The following FAM151A variants were observed in gnomAD, a reference collection of about 807,000 sequenced individuals.
The protein encoded by FAM151A is family with sequence similarity 151 member A.
Under a neutral mutation model 40.4 loss-of-function variants are expected in FAM151A, and 41 were observed. That is an observed-to-expected ratio of 1.01 (90% CI 0.79 to 1.32). FAM151A has a LOEUF of 1.32. FAM151A is among the 40% of genes most tolerant of loss of function. The probability of loss-of-function intolerance (pLI) is 0.00; values close to 1 mark genes in which losing one functional copy is unlikely to be tolerated. For missense variants in FAM151A, 740 were observed against 740.4 expected, an observed-to-expected ratio of 1.00 and a Z score of 0.01; for synonymous variants, 337 against 312.5, an observed-to-expected ratio of 1.08 and a Z score of -0.83.
chr1:54,615,194 ACT>A (rs1262541287), intron 3 of FAM151A, among the ~76,000 whole-genome samples: 1 of 152,112 alleles, frequency 6.6e-6, no homozygotes, highest in Non-Finnish European at 1.5e-5. Context: ...AGCAGGGCAG[ACT>A]CAGAGGGTCC....
rs1557668106 is a variant in FAM151A, at chr1:54,609,597, CCA to C, written c.1427_1428del (p.Val476GlyfsTer6). On this transcript the variant is annotated frameshift_variant, in exon 8 of 8. Transcript: ENST00000302250. LOFTEE classifies it low-confidence loss of function (END_TRUNC). ...AVAEVFPHVT[V>X]APGWPEEVLG... Reference sequence around the variant, plus strand: ...AGCACCTCCTCAGGCCAGCCTGGTGCCACAGTCACGTGGGGGAAGACCTCAGC... The same window carrying C: ...AGCACCTCCTCAGGCCAGCCTGGTGCCAGTCACGTGGGGGAAGACCTCAGC... 1.9e-6 allele frequency: 3 copies of C among 1,613,174 alleles called. No homozygotes were observed. Among genetic ancestry groups the C allele is most frequent in the African/African-American group, 1.3e-5 (1 of 74,956 alleles).
At chr1:54,619,530 T>C (rs974802500) in intron 2 of FAM151A, among the ~76,000 whole-genome samples, 2 of 152,200 alleles carry the variant, frequency 1.3e-5, no homozygotes, top group African/African-American at 4.8e-5. Flanking sequence ...GTAACCATTT[T>C]TGAAGTGCAG....
In FAM151A at chr1:54,611,517, C is replaced by T. The variant is rs940264828; in HGVS notation, c.940+89G>A. ...ACCCCGGCCTTCCCCCTTCTGATAT[C>T]CCTTCCACCCAGCTCTGCTCCAGTG... is the stretch of plus-strand genomic sequence containing the variant. On this transcript the variant is annotated intron_variant, in intron 6 of 7. Coordinates refer to ENST00000302250, the MANE Select transcript of FAM151A (RefSeq NM_176782.3). The T allele has an allele frequency of 2.2e-6, 3 of 1,369,304 alleles. No individual in the cohort carries two copies. The African/African-American group carries it at 4.3e-5, about 20-fold the overall frequency. 84.8% of individuals were successfully genotyped at this position (1,369,304 alleles called of 1,614,324 possible).
intron 3 of FAM151A, 27 bp from the exon 4 acceptor site, chr1:54,614,886 G>A (rs1281365473): frequency 1.2e-6 from 2 of 1,608,506 alleles, no homozygotes; most frequent in Non-Finnish European, 8.5e-7. Flanking sequence ...AAGGGCTTGG[G>A]GAAATGGCGA....
chr1:54,613,449 C>T (rs547956707), intron 4 of FAM151A, among the ~76,000 whole-genome samples: 14 of 151,700 alleles, frequency 9.2e-5, no homozygotes, highest in African/African-American at 3.4e-4. Flanking sequence ...TTCTTCCCTT[C>T]ATGTCTTTCT....
In FAM151A at chr1:54,609,938, G is replaced by C. The variant is rs1417417579; in HGVS notation, c.1088C>G (p.Thr363Arg). ...AGTGTTCAGCAGGATCATGCCTTCTGTGTCTGGAAGAGGCGGCAGAGGCAA... is the reference window on the plus strand; with the variant it reads ...AGTGTTCAGCAGGATCATGCCTTCTCTGTCTGGAAGAGGCGGCAGAGGCAA... ...GKTATMTLPD[T>R]EGMILLNTGL... The change falls in exon 8 of 8, where the codon ACA becomes AGA. Residue 363 changes from threonine (T) to arginine (R), a missense_variant. Physicochemically the swap from Thr to Arg is moderately conservative, Grantham distance 71. Coordinates refer to ENST00000302250, the MANE Select transcript of FAM151A (RefSeq NM_176782.3). 6.2e-7 allele frequency: 1 copy of C among 1,602,158 alleles called. No individual in the cohort carries two copies. The highest frequency in any genetic ancestry group is 1.1e-5 in the South Asian group (1 of 90,934).
intron 5 of FAM151A, among the ~76,000 whole-genome samples, chr1:54,612,212 T>C (rs1453566734): frequency 2.0e-5 from 3 of 151,714 alleles, no homozygotes; most frequent in East Asian, 3.9e-4. Flanking sequence ...CGGGCTCCTA[T>C]TGGAGGAAGC....
rs1389742876 is a variant in FAM151A at position 54,611,525 on chromosome 1, C to G, written c.940+81G>C. On this transcript the variant is annotated intron_variant, in intron 6 of 7. Coordinates refer to ENST00000302250, the MANE Select transcript of FAM151A (RefSeq NM_176782.3). ...CTTCCCCCTTCTGATATCCCTTCCACCCAGCTCTGCTCCAGTGCCCACCAG... is the reference window on the plus strand; with the variant it reads ...CTTCCCCCTTCTGATATCCCTTCCAGCCAGCTCTGCTCCAGTGCCCACCAG... The G allele has an allele frequency of 7.5e-6, 11 of 1,475,730 alleles. No homozygotes were observed. The African/African-American group carries it at 1.5e-4, about 20-fold the overall frequency. The allele number at this position is 1,475,730 out of a possible 1,614,324, so 91.4% of individuals were successfully genotyped here.
In FAM151A at chr1:54,616,032, A is replaced by G; in HGVS notation, c.403T>C (p.Ser135Pro). The G allele has an allele frequency of 1.2e-6, 2 of 1,613,826 alleles. No individual in the cohort carries two copies. Among genetic ancestry groups the G allele is most frequent in the South Asian group, 2.2e-5 (2 of 91,058 alleles). The stretch of plus-strand genomic sequence containing the variant: ...GAGAGGCCCTTACCCTTTTGGGAAG[A>G]GCCCAGCACAGCGTCCAGCCACTGC... Reference protein sequence around the residue: ...LEQWLDAVLGSSQKGIKLDFK... With the variant: ...LEQWLDAVLGPSQKGIKLDFK... Residue 135 changes from serine to proline, a missense_variant, in exon 3 of 8, where the codon TCT (serine) becomes CCT (proline). Coordinates refer to ENST00000302250, the MANE Select transcript of FAM151A (RefSeq NM_176782.3).
Position 54,609,884 on chromosome 1 carries a change from G to C in FAM151A, c.1142C>G (p.Pro381Arg). 1 of 1,613,092 alleles carries C rather than the reference G, an allele frequency of 6.2e-7. No individual in the cohort carries two copies. Among genetic ancestry groups the C allele is most frequent in the Non-Finnish European group, 8.5e-7 (1 of 1,179,994 alleles). ...TGLEGTVAEN[P>R]VPIVHTPSGN... is the part of the protein sequence containing the mutation. ...ACTTGGAGTATGAACAATGGGCACG[G>C]GGTTTTCAGCCACAGTTCCCTCGAG... is the stretch of plus-strand genomic sequence containing the variant. The change falls in exon 8 of 8, where the codon CCC becomes CGC. Residue 381 changes from proline to arginine, a missense_variant. Transcript: ENST00000302250.
In FAM151A at chr1:54,611,679, C is replaced by A. The variant is rs777943902; in HGVS notation, c.867G>T (p.Arg289=). 6.2e-7 allele frequency: 1 copy of A among 1,613,952 alleles called. No individual in the cohort carries two copies. Among genetic ancestry groups the A allele is most frequent in the Non-Finnish European group, 8.5e-7 (1 of 1,179,996 alleles). Reference sequence around the variant, plus strand: ...AGACTTGGTGGACAGCAGTGTTATCCCGGACGTAGAGCAGATCTTCCACCG... The same window carrying A: ...AGACTTGGTGGACAGCAGTGTTATCACGGACGTAGAGCAGATCTTCCACCG... The part of the protein sequence containing the change: ...PMSVEDLLYV[R]DNTAVHQVYY... The change falls in exon 6 of 8, where the codon CGG becomes CGT. Residue 289 remains arginine (R), a synonymous_variant. Coordinates refer to ENST00000302250, the MANE Select transcript of FAM151A (RefSeq NM_176782.3).
chr1:54,609,644 C>G lies in FAM151A; in HGVS notation c.1382G>C (p.Arg461Thr), dbSNP rs373886982. Residue 461 changes from arginine (R) to threonine (T), a missense_variant, in exon 8 of 8, where the codon AGA becomes ACA. By Grantham distance (71) the Arg-to-Thr change is moderately conservative (BLOSUM62 -1). Transcript: ENST00000302250. ...SFSVPGHVAGRELLTAVAEVF... is the reference protein window; with the variant it reads ...SFSVPGHVAGTELLTAVAEVF... The stretch of plus-strand genomic sequence containing the variant: ...CTCAGCCACAGCTGTAAGCAGCTCT[C>G]TGCCAGCCACATGGCCGGGGACCGA... 1 of 1,613,938 alleles carries G rather than the reference C, an allele frequency of 6.2e-7. No individual in the cohort carries two copies. The highest frequency in any genetic ancestry group is 8.5e-7 in the Non-Finnish European group (1 of 1,180,042).
chr1:54,620,033 A>G (rs753065641), intron 1 of FAM151A, 26 bp from the exon 2 acceptor site: 1 of 1,611,674 alleles, frequency 6.2e-7, no homozygotes, highest in South Asian at 1.1e-5. Context: ...AGGGGCTGTT[A>G]GCGTCTGTCC....
At position 54,609,655 on chromosome 1, in the gene FAM151A, A is replaced by G; in HGVS notation, c.1371T>C (p.His457=). 1.2e-6 allele frequency: 2 copies of G among 1,613,978 alleles called. No homozygotes were observed. Among genetic ancestry groups the G allele is most frequent in the Admixed American group, 1.7e-5 (1 of 60,032 alleles). ...CTGTAAGCAGCTCTCTGCCAGCCACATGGCCGGGGACCGAAAAACTCCCGT... is the reference window on the plus strand; with the variant it reads ...CTGTAAGCAGCTCTCTGCCAGCCACGTGGCCGGGGACCGAAAAACTCCCGT... ...ISHGSFSVPG[H]VAGRELLTAV... is the part of the protein sequence containing the mutation. The change falls in exon 8 of 8, where the codon CAT becomes CAC. Residue 457 remains histidine (H), a synonymous_variant. Coordinates refer to ENST00000302250, the MANE Select transcript of FAM151A (RefSeq NM_176782.3).
intron 7 of FAM151A, 68 bp downstream of exon 7, chr1:54,610,344 A>G (rs1056132817): frequency 1.3e-6 from 2 of 1,577,516 alleles, no homozygotes; most frequent in Admixed American, 1.8e-5. Flanking sequence ...GACCGGCGGT[A>G]CCTGCCCCAA....
At chr1:54,618,758 GT>G (rs1245434624) in intron 2 of FAM151A, among the ~76,000 whole-genome samples, 1 of 152,182 alleles carries the variant, frequency 6.6e-6, no homozygotes, top group African/African-American at 2.4e-5. Flanking sequence ...CGCGGTGGCT[GT>G]GTGCAGACCG....
In FAM151A at chr1:54,612,611, T is replaced by C. The variant is rs369893866; in HGVS notation, c.675A>G (p.Gln225=). 1.2e-6 allele frequency: 2 copies of C among 1,614,058 alleles called. No homozygotes were observed. Among genetic ancestry groups the C allele is most frequent in the South Asian group, 1.1e-5 (1 of 91,066 alleles). ...MSTSPNRTYT[Q]AMVEKMHELV... ...GCTCGTGCATCTTCTCCACCATGGC[T>C]TGGGTGTACGTCCTGTTTGGGGACG... is the stretch of plus-strand genomic sequence containing the variant. Residue 225 remains glutamine, a synonymous_variant, in exon 5 of 8, where the codon CAA becomes CAG. Transcript: ENST00000302250.
At position 54,619,922 on chromosome 1, in the gene FAM151A, C is replaced by T. The variant is rs1161184922; in HGVS notation, c.204G>A (p.Leu68=). 6.2e-7 allele frequency: 1 copy of T among 1,614,170 alleles called. No individual in the cohort carries two copies. The highest frequency in any genetic ancestry group is 2.2e-5 in the East Asian group (1 of 44,884). The part of the protein sequence containing the change: ...SLGQISRRDA[L]EVTWYHAANS... ...TGGCTGCGTGGTACCAGGTGACCTC[C>T]AAGGCATCTCGCCGGCTGATCTGGC... Residue 68 remains leucine (L), a synonymous_variant, in exon 2 of 8, where the codon TTG becomes TTA. Coordinates refer to ENST00000302250, the MANE Select transcript of FAM151A (RefSeq NM_176782.3).
rs375715496 is a variant in FAM151A at position 54,609,907 on chromosome 1, G to A, written c.1119C>T (p.Leu373=). 12 of 1,609,898 alleles carry A rather than the reference G, an allele frequency of 7.5e-6. No homozygotes were observed. The highest frequency in any genetic ancestry group is 1.1e-5 in the South Asian group (1 of 91,066). The change falls in exon 8 of 8, where the codon CTC becomes CTT. Residue 373 remains leucine, a synonymous_variant. Transcript: ENST00000302250. ...CGGGGTTTTCAGCCACAGTTCCCTCGAGGCCAGTGTTCAGCAGGATCATGC... is the reference window on the plus strand; with the variant it reads ...CGGGGTTTTCAGCCACAGTTCCCTCAAGGCCAGTGTTCAGCAGGATCATGC... The part of the protein sequence containing the change: ...TEGMILLNTG[L]EGTVAENPVP...
Sources: gnomAD v4.1 joint callset for allele counts (sites outside exome capture counted in the v4.1 genomes callset) on GRCh38, gnomAD v4.1.1 for gene constraint, MANE v1.5 for transcripts, NCBI Gene and HGNC (gene_info 2026-07-23, HGNC 2026-07-21) for gene names.